HDAC9: variants seen among roughly 807,000 people sequenced by gnomAD.
HDAC9 encodes MEF-2 interacting transcription repressor (MITR) protein.
A neutral mutation model predicts 139.4 loss-of-function variants in HDAC9; 41 were observed. The ratio of observed to expected loss-of-function variants is 0.29; its 90% confidence interval spans 0.23 to 0.38. The LOEUF is 0.38. HDAC9 is among the 10% of genes least tolerant of loss of function. HDAC9 has a pLI of 1.00. For synonymous variants in HDAC9, 517 were observed against 476.2 expected, an observed-to-expected ratio of 1.09 and a Z score of -1.12; for missense variants, 1,147 against 1,297.0, an observed-to-expected ratio of 0.88 and a Z score of 1.78.
chr7:18,573,891 G>A (rs1825121204), intron 2 of HDAC9, among the ~76,000 whole-genome samples: 1 of 152,194 alleles, frequency 6.6e-6, no homozygotes, highest in Admixed American at 6.5e-5. Context: ...TCCCCAAAGG[G>A]CCACAGCTCT....
chr7:18,467,709 T>C (rs1794397361), intron 1 of HDAC9, among the ~76,000 whole-genome samples: 1 of 152,238 alleles, frequency 6.6e-6, no homozygotes, highest in African/African-American at 2.4e-5. Context: ...CTCATATCAC[T>C]ATATTACGTT....
intron 16 of HDAC9, among the ~76,000 whole-genome samples, chr7:18,791,184 C>G (rs1792276926): frequency 6.6e-6 from 1 of 152,072 alleles, no homozygotes; most frequent in Admixed American, 6.6e-5. Flanking sequence ...TTTGCCACTG[C>G]TTTAAGAAAT....
chr7:18,805,511 T>C (rs1793635090), intron 17 of HDAC9, among the ~76,000 whole-genome samples: 1 of 152,166 alleles, frequency 6.6e-6, no homozygotes. Context: ...GGCAAGGATT[T>C]TTCCCCCTGC....
intron 23 of HDAC9, among the ~76,000 whole-genome samples, chr7:18,941,198 G>T (rs955015888): frequency 2.8e-5 from 4 of 143,108 alleles, no homozygotes; most frequent in South Asian, 2.2e-4. Flanking sequence ...CCTCCCTCCC[G>T]TTATTCTTCA....
intron 2 of HDAC9, among the ~76,000 whole-genome samples, chr7:18,545,971 TC>T (rs1294350120): frequency 6.6e-6 from 1 of 152,224 alleles, no homozygotes; most frequent in East Asian, 1.9e-4. Context: ...CAAGTTTACT[TC>T]CTCAGATTAC....
intron 13 of HDAC9, among the ~76,000 whole-genome samples, chr7:18,744,989 G>T (rs971969695): frequency 6.6e-6 from 1 of 152,068 alleles, no homozygotes; most frequent in Non-Finnish European, 1.5e-5. Context: ...TTTAACTCTT[G>T]TCCCACTGAT....
At chr7:18,382,746 A>G (rs1164061347) in intron 1 of HDAC9, among the ~76,000 whole-genome samples, 2 of 152,264 alleles carry the variant, frequency 1.3e-5, no homozygotes, top group African/African-American at 2.4e-5. Flanking sequence ...TAAAATACAT[A>G]TAAAAGTAAT....
chr7:18,985,549 G>C (rs35912823), intron 25 of HDAC9, among the ~76,000 whole-genome samples: 1 of 151,140 alleles, frequency 6.6e-6, no homozygotes, highest in African/African-American at 2.4e-5. Flanking sequence ...TGTGTCTTTA[G>C]AGCAGCATGA....
chr7:18,668,488 C>A (rs988458634), intron 12 of HDAC9: 15 of 977,854 alleles, frequency 1.5e-5, no homozygotes, highest in Non-Finnish European at 1.8e-5. Flanking sequence ...TGTGGCTGAG[C>A]AGACTTTTGT....
chr7:18,637,369 G>T (rs534229020), intron 8 of HDAC9, among the ~76,000 whole-genome samples: 2 of 152,116 alleles, frequency 1.3e-5, no homozygotes, highest in African/African-American at 4.8e-5. Context: ...GTAAATAAAA[G>T]ATTTTGCTTA....
At chr7:18,858,056 G>C (rs1381534833) in intron 21 of HDAC9, among the ~76,000 whole-genome samples, 1 of 152,118 alleles carries the variant, frequency 6.6e-6, no homozygotes, top group Non-Finnish European at 1.5e-5. Context: ...CTTGGATTCT[G>C]CCGGCTGTTT....
intron 2 of HDAC9, among the ~76,000 whole-genome samples, chr7:18,498,618 G>A (rs984222194): frequency 1.3e-5 from 2 of 152,078 alleles, no homozygotes; most frequent in Non-Finnish European, 2.9e-5. Context: ...CTTTGGATTT[G>A]AAAGAGAGAA....
chr7:18,390,683 G>C (rs1331378547), intron 1 of HDAC9, among the ~76,000 whole-genome samples: 3 of 152,110 alleles, frequency 2.0e-5, no homozygotes, highest in Non-Finnish European at 4.4e-5. Flanking sequence ...CTTCAGTTCT[G>C]GCCCCAGTTT....
chr7:18,310,808 TTA>T (rs1799260659), intron 1 of HDAC9, among the ~76,000 whole-genome samples: 1 of 102,850 alleles, frequency 9.7e-6, no homozygotes, highest in African/African-American at 4.9e-5. Context: ...TACAAATCCA[TTA>T]CACACACACA....
intron 22 of HDAC9, among the ~76,000 whole-genome samples, chr7:18,914,148 G>A (rs1261163735): frequency 6.6e-6 from 1 of 151,672 alleles, no homozygotes; most frequent in African/African-American, 2.4e-5. Context: ...AGGACGTGGT[G>A]ACAAGGTGCT....
rs768510820 is a variant in HDAC9, at chr7:18,767,175, C to T, written c.2214+20C>T. 6 of 1,478,068 alleles carry T rather than the reference C, an allele frequency of 4.1e-6. No individual in the cohort carries two copies. In the East Asian group the frequency reaches 1.2e-4, roughly 29 times the overall value. 91.6% of individuals were successfully genotyped at this position (1,478,068 alleles called of 1,614,324 possible). ...CTTGGGGTAAGTACAAGTTGGTTTA[C>T]TGCCTTTAAATAACATAAAATTACA... On this transcript the variant is annotated intron_variant, in intron 16 of 25. Coordinates refer to ENST00000686413, the MANE Select transcript of HDAC9 (RefSeq NM_178425.4).
At chr7:18,573,722 G>A (rs1482488420) in intron 2 of HDAC9, among the ~76,000 whole-genome samples, 1 of 152,260 alleles carries the variant, frequency 6.6e-6, no homozygotes, top group Non-Finnish European at 1.5e-5. Flanking sequence ...TGAGGAGGCT[G>A]AGGCTGGAGC....
intron 2 of HDAC9, among the ~76,000 whole-genome samples, chr7:18,507,589 G>T (rs940787688): frequency 2.6e-5 from 4 of 151,846 alleles, no homozygotes; most frequent in African/African-American, 4.8e-5. Flanking sequence ...CCGCCTCCCG[G>T]GTTCAAGCTA....
At chr7:18,380,032 C>T (rs1209634752) in intron 1 of HDAC9, among the ~76,000 whole-genome samples, 1 of 152,084 alleles carries the variant, frequency 6.6e-6, no homozygotes, top group African/African-American at 2.4e-5. Context: ...TTCTCTAAAA[C>T]CAATTGAGTT....
Sources: allele counts gnomAD v4.1 joint callset (sites outside exome capture counted in the v4.1 genomes callset), GRCh38; gene constraint gnomAD v4.1.1; transcripts MANE v1.5; gene names NCBI Gene and HGNC (gene_info 2026-07-23, HGNC 2026-07-21).